The following RCOR1 variants were observed in gnomAD, a reference collection of about 807,000 sequenced individuals.
The protein encoded by RCOR1 is REST corepressor 1.
In RCOR1, 12 loss-of-function variants were observed where a neutral mutation model predicts 64.0. That is an observed-to-expected ratio of 0.19 (90% CI 0.12 to 0.30). The LOEUF (loss-of-function observed/expected upper bound fraction) is 0.30. RCOR1 is among the 10% of genes least tolerant of loss of function. The probability of loss-of-function intolerance (pLI) is 1.00; values close to 1 mark genes in which losing one functional copy is unlikely to be tolerated. For synonymous variants in RCOR1, 279 were observed against 227.2 expected (o/e 1.23, Z -2.05); for missense variants, 502 against 621.2 (o/e 0.81, Z 2.04).
rs569496308 is a variant in RCOR1, at chr14:102,725,078, C to T, written c.1420-1390C>T. The stretch of plus-strand genomic sequence containing the variant: ...GCTTTTGAAATTCATAGTTATTTGA[C>T]GTGGACAAGGGTGGGTTGGGAACAG... On this transcript the variant is annotated intron_variant, in intron 11 of 11. Transcript: ENST00000262241. 4.6e-5 allele frequency among the ~76,000 whole-genome samples: 7 copies of T among 152,266 alleles called. No homozygotes were observed. In the South Asian group the frequency reaches 6.2e-4, roughly 14 times the overall value.
At chr14:102,600,982 G>A (rs555141347) in intron 2 of RCOR1, among the ~76,000 whole-genome samples, 72 of 151,722 alleles carry the variant, frequency 4.7e-4, no homozygotes, top group African/African-American at 1.7e-3. Flanking sequence ...TTGAGGTCGG[G>A]AGTTCAAGAC....
chr14:102,623,534 G>A (rs887647354), intron 2 of RCOR1, among the ~76,000 whole-genome samples: 5 of 151,362 alleles, frequency 3.3e-5, no homozygotes, highest in African/African-American at 7.3e-5. Flanking sequence ...TCAGCCTCCC[G>A]AGTAGCTGGG....
At chr14:102,601,929 C>G (rs150382035) in intron 2 of RCOR1, among the ~76,000 whole-genome samples, 2 of 152,028 alleles carry the variant, frequency 1.3e-5, no homozygotes, top group Non-Finnish European at 2.9e-5. Flanking sequence ...GAGGGTGAGG[C>G]GGGAGGATCA....
At chr14:102,723,767 A>G (rs944824875) in intron 11 of RCOR1, among the ~76,000 whole-genome samples, 4 of 152,234 alleles carry the variant, frequency 2.6e-5, no homozygotes, top group African/African-American at 9.6e-5. Context: ...TAGAATTTGC[A>G]GGAATGAAAG....
rs2140000209 is a variant in RCOR1, at chr14:102,729,470, T to G, written c.*2964T>G. ...TAACACAAATGCCGCGTTGTCTGGGTGTACAGTGTTTGTGGAGACGCCACT... is the reference window on the plus strand; with the variant it reads ...TAACACAAATGCCGCGTTGTCTGGGGGTACAGTGTTTGTGGAGACGCCACT... On this transcript the variant is annotated 3_prime_UTR_variant, in exon 12 of 12. Transcript: ENST00000262241. 6.3e-6 allele frequency: 1 copy of G among 158,882 alleles called. No homozygotes were observed. The highest frequency in any genetic ancestry group is 2.1e-4 in the South Asian group (1 of 4,876). The allele number at this position is 158,882 out of a possible 1,614,324, so 9.8% of individuals were successfully genotyped here. A position where few individuals can be genotyped will look rare whatever the true frequency, so the allele number is the denominator to read the frequency against.
intron 2 of RCOR1, among the ~76,000 whole-genome samples, chr14:102,633,829 G>A (rs1396365040): frequency 6.6e-6 from 1 of 152,134 alleles, no homozygotes; most frequent in Non-Finnish European, 1.5e-5. Flanking sequence ...ATGAGCCACC[G>A]TACCCAGTCC....
intron 2 of RCOR1, among the ~76,000 whole-genome samples, chr14:102,680,202 A>G (rs1276598045): frequency 1.1e-4 from 16 of 152,138 alleles, no homozygotes; most frequent in Admixed American, 1.0e-3. Context: ...ATATAGAAAT[A>G]GAATTGACTA....
intron 2 of RCOR1, among the ~76,000 whole-genome samples, chr14:102,617,961 C>CT (rs869074425): frequency 2.3e-4 from 31 of 135,404 alleles, no homozygotes; most frequent in South Asian, 1.7e-3. Flanking sequence ...ACATAAGTTT[C>CT]TTTTTTTTTT....
At chr14:102,713,454 T>C (rs1896001897) in intron 7 of RCOR1, among the ~76,000 whole-genome samples, 1 of 151,984 alleles carries the variant, frequency 6.6e-6, no homozygotes, top group South Asian at 2.1e-4. Flanking sequence ...GGCTAATTTT[T>C]TGTAGTTTTA....
At chr14:102,679,914 C>G (rs1486221480) in intron 2 of RCOR1, among the ~76,000 whole-genome samples, 1 of 152,110 alleles carries the variant, frequency 6.6e-6, no homozygotes, top group Non-Finnish European at 1.5e-5. Flanking sequence ...CTTTGCCTTT[C>G]TTTATGAATT....
intron 2 of RCOR1, among the ~76,000 whole-genome samples, chr14:102,600,006 C>A (rs1893355623): frequency 6.6e-6 from 1 of 152,168 alleles, no homozygotes; most frequent in Non-Finnish European, 1.5e-5. Flanking sequence ...AAGCAGTCTT[C>A]CTGCCTTGGC....
intron 2 of RCOR1, chr14:102,649,697 T>C: frequency 1.7e-6 from 1 of 603,216 alleles, no homozygotes; most frequent in South Asian, 7.4e-5. Context: ...GTAATTCTGG[T>C]GTTGTCCTAG....
chr14:102,705,368 CT>C (rs1417112639), intron 4 of RCOR1, among the ~76,000 whole-genome samples: 1 of 152,194 alleles, frequency 6.6e-6, no homozygotes, highest in Non-Finnish European at 1.5e-5. Context: ...TTGAGCATAA[CT>C]GTACTAAATC....
At chr14:102,627,178 CT>C (rs1289158846) in intron 2 of RCOR1, among the ~76,000 whole-genome samples, 1 of 152,184 alleles carries the variant, frequency 6.6e-6, no homozygotes, top group Non-Finnish European at 1.5e-5. Context: ...ACATCTGTGC[CT>C]GGTACTCTGC....
chr14:102,684,474 ACT>A (rs1183642133), intron 3 of RCOR1, among the ~76,000 whole-genome samples: 9 of 152,154 alleles, frequency 5.9e-5, no homozygotes, highest in Non-Finnish European at 5.9e-5. Flanking sequence ...AACACGGAGC[ACT>A]GAGAGTGAAC....
chr14:102,708,491 G>A lies in RCOR1; in HGVS notation c.687G>A (p.Leu229=), dbSNP rs760387018. ...TTCCAGATAAATCTATAGCAAGTCT[G>A]GTGAAATTTTACTATTCTTGGAAGA... ...QMLPDKSIAS[L]VKFYYSWKKT... The change falls in exon 6 of 12, where the codon CTG becomes CTA. Residue 229 remains leucine (L), a synonymous_variant. Coordinates refer to ENST00000262241, the MANE Select transcript of RCOR1 (RefSeq NM_015156.4). 1.3e-6 allele frequency: 2 copies of A among 1,589,008 alleles called. No individual in the cohort carries two copies. Among genetic ancestry groups the A allele is most frequent in the South Asian group, 2.2e-5 (2 of 90,312 alleles).
chr14:102,679,705 C>G (rs1895263856), intron 2 of RCOR1, among the ~76,000 whole-genome samples: 1 of 152,094 alleles, frequency 6.6e-6, no homozygotes, highest in African/African-American at 2.4e-5. Flanking sequence ...GTCTTGATCC[C>G]CTGACTTCAT....
chr14:102,673,812 T>C (rs1334814335), intron 2 of RCOR1, among the ~76,000 whole-genome samples: 1 of 152,006 alleles, frequency 6.6e-6, no homozygotes. Context: ...ACAGGGTTTC[T>C]CCATGTTGCT....
At chr14:102,620,834 GCTC>G (rs201273522) in intron 2 of RCOR1, among the ~76,000 whole-genome samples, 1,540 of 152,082 alleles carry the variant, frequency 0.01, 16 homozygotes, top group Admixed American at 0.015. Flanking sequence ...CTTTTTTGCT[GCTC>G]CATTACTCTT....
Sources: allele counts gnomAD v4.1 joint callset (sites outside exome capture counted in the v4.1 genomes callset), GRCh38; gene constraint gnomAD v4.1.1; transcripts MANE v1.5; gene names NCBI Gene and HGNC (gene_info 2026-07-23, HGNC 2026-07-21).